LYN: variants seen among roughly 807,000 people sequenced by gnomAD.
The protein encoded by LYN is LYN proto-oncogene, Src family tyrosine kinase.
A neutral mutation model predicts 65.0 loss-of-function variants in LYN; 12 were observed. That is an observed-to-expected ratio of 0.18 (90% confidence interval 0.12 to 0.30). LYN has a LOEUF of 0.30. Ranked by LOEUF, LYN falls within the 10% of genes least tolerant of loss-of-function variation. The pLI is 1.00. For missense variants in LYN, 380 were observed against 623.2 expected (o/e 0.61, Z 4.16); for synonymous variants, 222 against 221.2 (o/e 1.00, Z -0.03).
At chr8:55,937,067 C>T (rs1374593813) in intron 1 of LYN, among the ~76,000 whole-genome samples, 1 of 152,180 alleles carries the variant, frequency 6.6e-6, no homozygotes, top group Non-Finnish European at 1.5e-5. Flanking sequence ...CAAAGTCAGG[C>T]AATAGACCCA....
At chr8:55,897,913 AAAC>A (rs566010402) in intron 1 of LYN, among the ~76,000 whole-genome samples, 315 of 152,150 alleles carry the variant, frequency 2.1e-3, no homozygotes, top group African/African-American at 6.9e-3. Flanking sequence ...CCTGTCTCAC[AAAC>A]AACAACAACA....
intron 10 of LYN, among the ~76,000 whole-genome samples, chr8:55,972,917 G>A (rs956497095): frequency 6.6e-6 from 1 of 152,194 alleles, no homozygotes; most frequent in African/African-American, 2.4e-5. Context: ...ATAATGATGC[G>A]ACTTGCTGTC....
rs553427045 is a variant in LYN, at chr8:56,004,160, G to A, written c.1336+4611G>A. On this transcript the variant is annotated intron_variant, in intron 12 of 12. Coordinates refer to ENST00000519728, the MANE Select transcript of LYN (RefSeq NM_002350.4). Reference sequence around the variant, plus strand: ...TTGGTCAGGCTGATCTTGAACTCCCGACCTCAGGTGATCTGCCTGCTTTGG... The same window carrying A: ...TTGGTCAGGCTGATCTTGAACTCCCAACCTCAGGTGATCTGCCTGCTTTGG... Among the ~76,000 whole-genome samples, 4 of 151,758 alleles carry A rather than the reference G, an allele frequency of 2.6e-5. 1 individual carries two copies. Among genetic ancestry groups the A allele is most frequent in the Non-Finnish European group, 2.9e-5 (2 of 67,928 alleles).
chr8:55,933,874 G>T (rs536355550), intron 1 of LYN, among the ~76,000 whole-genome samples: 1 of 141,604 alleles, frequency 7.1e-6, no homozygotes, highest in African/African-American at 3.0e-5. Context: ...TCACATTGTG[G>T]ATAACTAGAT....
At chr8:55,978,626 A>G (rs1306051476) in intron 10 of LYN, among the ~76,000 whole-genome samples, 1 of 152,032 alleles carries the variant, frequency 6.6e-6, no homozygotes, top group Non-Finnish European at 1.5e-5. Flanking sequence ...CCCCAGACAG[A>G]CCCTAAAGAA....
intron 4 of LYN, among the ~76,000 whole-genome samples, chr8:55,948,319 C>T (rs1043425186): frequency 8.5e-5 from 13 of 152,128 alleles, no homozygotes; most frequent in Non-Finnish European, 1.5e-4. Context: ...AAATTTGGGT[C>T]TGTGTGGCCC....
At chr8:55,961,545 C>T (rs1807273420) in intron 8 of LYN, among the ~76,000 whole-genome samples, 1 of 152,122 alleles carries the variant, frequency 6.6e-6, no homozygotes, top group African/African-American at 2.4e-5. Context: ...CTTTATCTAC[C>T]ACTCACCTCA....
At chr8:55,911,246 C>CGT (rs1334977538) in intron 1 of LYN, among the ~76,000 whole-genome samples, 138 of 5,086 alleles carry the variant, frequency 0.027, 33 homozygotes, top group South Asian at 0.11. Flanking sequence ...TATATATATA[C>CGT]GTGTGTGTGT....
intron 10 of LYN, among the ~76,000 whole-genome samples, chr8:55,995,999 C>T (rs539528062): frequency 2.6e-4 from 40 of 152,296 alleles, no homozygotes; most frequent in Admixed American, 5.2e-4. Context: ...AAAACCCCAG[C>T]CCATTTCCCA....
At chr8:55,887,605 T>TCACACACACACACACACACAC (rs1804838911) in intron 1 of LYN, among the ~76,000 whole-genome samples, 1 of 86,986 alleles carries the variant, frequency 1.1e-5, no homozygotes, top group African/African-American at 4.7e-5. Flanking sequence ...CACACACACA[T>TCACACACACACACACACACAC]ATATATATAT....
At chr8:55,966,015 C>T (rs1807445381) in intron 8 of LYN, among the ~76,000 whole-genome samples, 1 of 151,998 alleles carries the variant, frequency 6.6e-6, no homozygotes, top group Non-Finnish European at 1.5e-5. Context: ...AACCCAGCTA[C>T]TCAGGAGGCT....
At chr8:55,986,226 G>A (rs2458083) in intron 10 of LYN, among the ~76,000 whole-genome samples, 21,405 of 149,276 alleles carry the variant, frequency 0.14, 2,081 homozygotes, top group Middle Eastern at 0.23. Context: ...TATATGCTAA[G>A]GGAGTAGTCA....
At chr8:55,985,017 T>G (rs771498143) in intron 10 of LYN, among the ~76,000 whole-genome samples, 1 of 152,352 alleles carries the variant, frequency 6.6e-6, no homozygotes, top group South Asian at 2.1e-4. Flanking sequence ...ACTAGGGCCC[T>G]GAATAAGCCG....
chr8:55,988,100 G>GA (rs1289784246), intron 10 of LYN, among the ~76,000 whole-genome samples: 1 of 152,182 alleles, frequency 6.6e-6, no homozygotes, highest in African/African-American at 2.4e-5. Flanking sequence ...AAGAATGCAT[G>GA]AGCTCTCTGT....
At chr8:55,990,239 CAAA>C (rs34461698) in intron 10 of LYN, among the ~76,000 whole-genome samples, 4 of 45,396 alleles carry the variant, frequency 8.8e-5, no homozygotes, top group Admixed American at 3.0e-4. Context: ...ACTCTGCCTC[CAAA>C]AAAAAAAAAA....
chr8:55,928,232 G>A (rs1178400966), intron 1 of LYN, among the ~76,000 whole-genome samples: 3 of 152,122 alleles, frequency 2.0e-5, no homozygotes, highest in Non-Finnish European at 4.4e-5. Flanking sequence ...TGCAACCTCC[G>A]CCTCCTGAGT....
At chr8:55,954,614 A>AGATT (rs1196111383) in intron 8 of LYN, among the ~76,000 whole-genome samples, 4 of 152,124 alleles carry the variant, frequency 2.6e-5, no homozygotes, top group African/African-American at 7.2e-5. Flanking sequence ...TGAAGCAGGA[A>AGATT]GATTGCTTGA....
chr8:55,888,518 G>A (rs924622982), intron 1 of LYN, among the ~76,000 whole-genome samples: 3 of 152,190 alleles, frequency 2.0e-5, no homozygotes, highest in Admixed American at 6.5e-5. Flanking sequence ...GCGAAGACAC[G>A]TTGAACACTG....
chr8:55,956,286 T>C (rs965530470), intron 8 of LYN, among the ~76,000 whole-genome samples: 1 of 152,218 alleles, frequency 6.6e-6, no homozygotes, highest in Non-Finnish European at 1.5e-5. Flanking sequence ...TACACATACA[T>C]ACATGTTATT....
Sources: gnomAD v4.1 joint callset for allele counts (sites outside exome capture counted in the v4.1 genomes callset) on GRCh38, gnomAD v4.1.1 for gene constraint, MANE v1.5 for transcripts, NCBI Gene and HGNC (gene_info 2026-07-23, HGNC 2026-07-21) for gene names.